The following GPC5 variants were observed in gnomAD, a reference collection of about 807,000 sequenced individuals.
GPC5 encodes glypican 5.
A neutral mutation model predicts 53.9 loss-of-function variants in GPC5; 47 were observed. The observed-to-expected ratio is 0.87, with a 90% CI of 0.69 to 1.11. The LOEUF (loss-of-function observed/expected upper bound fraction) is 1.11. Among genes scored for constraint, GPC5 ranks in the 50% most tolerant of loss-of-function variants. GPC5 has a pLI of 0.00. For missense variants in GPC5, 748 were observed against 713.1 expected (o/e 1.05, Z -0.56); for synonymous variants, 286 against 263.3 (o/e 1.09, Z -0.84).
At chr13:91,753,316 T>C (rs557625826) in intron 4 of GPC5, among the ~76,000 whole-genome samples, 2 of 152,294 alleles carry the variant, frequency 1.3e-5, no homozygotes, top group Admixed American at 1.3e-4. Context: ...AAGGTGAGAT[T>C]TCCCTTCCTT....
chr13:91,827,484 T>G (rs1306459432), intron 5 of GPC5, among the ~76,000 whole-genome samples: 1 of 151,360 alleles, frequency 6.6e-6, no homozygotes, highest in Non-Finnish European at 1.5e-5. Context: ...AAAAGACAAA[T>G]GAATAGAAGA....
intron 2 of GPC5, among the ~76,000 whole-genome samples, chr13:91,597,081 CA>C (rs1395090173): frequency 7.9e-5 from 12 of 152,174 alleles, no homozygotes; most frequent in African/African-American, 2.9e-4. Context: ...TCTCTCAAAG[CA>C]GTAAACTTGG....
chr13:92,753,340 C>T (rs1874679347), intron 7 of GPC5, among the ~76,000 whole-genome samples: 1 of 152,152 alleles, frequency 6.6e-6, no homozygotes, highest in Non-Finnish European at 1.5e-5. Flanking sequence ...ACATCACCAT[C>T]ATCAAAGACC....
At chr13:92,368,515 G>T (rs182229461) in intron 7 of GPC5, among the ~76,000 whole-genome samples, 2 of 150,602 alleles carry the variant, frequency 1.3e-5, no homozygotes, top group Non-Finnish European at 3.0e-5. Flanking sequence ...ATTGTGGCAG[G>T]CACCTGTAAT....
intron 2 of GPC5, among the ~76,000 whole-genome samples, chr13:91,644,057 A>G (rs950950668): frequency 1.3e-5 from 2 of 151,662 alleles, no homozygotes; most frequent in African/African-American, 4.9e-5. Flanking sequence ...AACCCATGAC[A>G]TAGGCTACAT....
chr13:91,917,428 A>G (rs940912194), intron 6 of GPC5, among the ~76,000 whole-genome samples: 3 of 152,104 alleles, frequency 2.0e-5, no homozygotes, highest in African/African-American at 7.2e-5. Flanking sequence ...GCTGGCATTG[A>G]GTGCCTTCAC....
chr13:92,308,668 T>A (rs1416372080), intron 7 of GPC5, among the ~76,000 whole-genome samples: 4 of 152,138 alleles, frequency 2.6e-5, no homozygotes. Flanking sequence ...GGCCGTTTCA[T>A]ATTCAGTTAT....
At chr13:92,168,860 C>T (rs1310323571) in intron 7 of GPC5, among the ~76,000 whole-genome samples, 3 of 152,110 alleles carry the variant, frequency 2.0e-5, no homozygotes, top group Non-Finnish European at 4.4e-5. Context: ...ATAAATCATT[C>T]TATTATAAAG....
intron 6 of GPC5, among the ~76,000 whole-genome samples, chr13:92,024,960 T>C (rs2040788807): frequency 6.6e-6 from 1 of 152,172 alleles, no homozygotes; most frequent in South Asian, 2.1e-4. Flanking sequence ...TTGAAAGTCA[T>C]CATGCTTACT....
chr13:91,539,016 T>C (rs571278762), intron 2 of GPC5, among the ~76,000 whole-genome samples: 1 of 152,332 alleles, frequency 6.6e-6, no homozygotes, highest in East Asian at 1.9e-4. Context: ...ATTCCAGCTT[T>C]CTTTCTGTCA....
At chr13:92,770,985 C>G (rs1204070158) in intron 7 of GPC5, among the ~76,000 whole-genome samples, 1 of 152,048 alleles carries the variant, frequency 6.6e-6, no homozygotes, top group African/African-American at 2.4e-5. Flanking sequence ...TCCACTGACA[C>G]GAGGATATGG....
At chr13:92,361,835 G>T (rs1009299390) in intron 7 of GPC5, among the ~76,000 whole-genome samples, 7 of 151,704 alleles carry the variant, frequency 4.6e-5, no homozygotes, top group Non-Finnish European at 4.4e-5. Context: ...GGTAAGAAAA[G>T]TCTTACTTCT....
At chr13:91,531,486 A>C (rs1055005471) in intron 2 of GPC5, among the ~76,000 whole-genome samples, 4 of 152,196 alleles carry the variant, frequency 2.6e-5, no homozygotes, top group Non-Finnish European at 4.4e-5. Context: ...AAGGAAAGAT[A>C]CTTTTTAGTA....
intron 7 of GPC5, among the ~76,000 whole-genome samples, chr13:92,662,401 A>G (rs1247954780): frequency 1.3e-5 from 2 of 152,094 alleles, no homozygotes; most frequent in Admixed American, 1.3e-4. Flanking sequence ...CTGCATTTAG[A>G]CTTTCCTTCC....
chr13:92,282,923 C>T (rs2042927116), intron 7 of GPC5, among the ~76,000 whole-genome samples: 1 of 152,188 alleles, frequency 6.6e-6, no homozygotes, highest in South Asian at 2.1e-4. Flanking sequence ...GGGCTAAATG[C>T]TCCAATTAAA....
intron 6 of GPC5, among the ~76,000 whole-genome samples, chr13:92,007,998 C>T (rs990073807): frequency 2.0e-5 from 3 of 151,752 alleles, no homozygotes; most frequent in Non-Finnish European, 4.4e-5. Flanking sequence ...TCTATAATTC[C>T]TGGTTATTAG....
chr13:92,118,033 A>C (rs1181321405), intron 6 of GPC5, among the ~76,000 whole-genome samples: 1 of 152,142 alleles, frequency 6.6e-6, no homozygotes, highest in Non-Finnish European at 1.5e-5. Flanking sequence ...CCCAGTTTTG[A>C]AATTAATCAG....
At chr13:92,643,658 A>T (rs1197173807) in intron 7 of GPC5, among the ~76,000 whole-genome samples, 6 of 145,068 alleles carry the variant, frequency 4.1e-5, no homozygotes, top group Non-Finnish European at 6.1e-5. Context: ...ATTCTCACTC[A>T]TAGGTGGGAA....
At chr13:91,846,343 C>T (rs940246449) in intron 5 of GPC5, among the ~76,000 whole-genome samples, 1 of 151,972 alleles carries the variant, frequency 6.6e-6, no homozygotes, top group Admixed American at 6.6e-5. Context: ...ATAGTACCGC[C>T]TTAAATGCTA....
Sources: gnomAD v4.1 joint callset for allele counts (sites outside exome capture counted in the v4.1 genomes callset) on GRCh38, gnomAD v4.1.1 for gene constraint, MANE v1.5 for transcripts, NCBI Gene and HGNC (gene_info 2026-07-23, HGNC 2026-07-21) for gene names.